The following AP3B1 variants were observed in gnomAD, a reference collection of about 807,000 sequenced individuals.
AP3B1 encodes AP-3 complex subunit beta-1.
AP3B1 carries 61 observed loss-of-function variants against 132.5 expected under a neutral mutation model. The observed-to-expected ratio is 0.46, with a 90% CI of 0.37 to 0.57. AP3B1 has a LOEUF of 0.57. Among genes scored for constraint, AP3B1 ranks in the 20% least tolerant of loss-of-function variants. AP3B1 has a pLI of 0.00. For missense variants in AP3B1, 1,120 were observed against 1,289.4 expected (o/e 0.87, Z 2.01); for synonymous variants, 388 against 438.3 (o/e 0.89, Z 1.43).
intron 22 of AP3B1, among the ~76,000 whole-genome samples, chr5:78,069,478 TAATG>T (rs142713276): frequency 0.047 from 7,204 of 152,102 alleles, 543 homozygotes; most frequent in African/African-American, 0.16. Flanking sequence ...GAGGGCCAAA[TAATG>T]AATGAACTCC....
chr5:78,282,738 ATGG>A (rs1336167020), intron 1 of AP3B1, among the ~76,000 whole-genome samples: 1 of 152,044 alleles, frequency 6.6e-6, no homozygotes, highest in African/African-American at 2.4e-5. Flanking sequence ...CAGGCCAGGC[ATGG>A]TGGCTCATGC....
chr5:78,058,910 G>A (rs972579255), intron 22 of AP3B1, among the ~76,000 whole-genome samples: 4 of 152,210 alleles, frequency 2.6e-5, no homozygotes, highest in African/African-American at 7.2e-5. Context: ...TAGGGTTGGG[G>A]TGAGACATGA....
intron 14 of AP3B1, among the ~76,000 whole-genome samples, chr5:78,142,346 A>T (rs1384789513): frequency 6.6e-6 from 1 of 152,220 alleles, no homozygotes; most frequent in Non-Finnish European, 1.5e-5. Context: ...GTGTAAATTC[A>T]TTTCAGTGAA....
chr5:78,213,612 T>A (rs2112473149), intron 7 of AP3B1, among the ~76,000 whole-genome samples: 1 of 152,278 alleles, frequency 6.6e-6, no homozygotes, highest in African/African-American at 2.4e-5. Context: ...ATGAATAATT[T>A]TTCCTTGAAT....
At chr5:78,181,729 A>G in intron 7 of AP3B1, 67 bp from the exon 8 acceptor site, 3 of 1,444,158 alleles carry the variant, frequency 2.1e-6, no homozygotes, top group Non-Finnish European at 1.9e-6. Context: ...TATATAGTCA[A>G]AGAAAACTTT....
intron 14 of AP3B1, 140 bp from the exon 15 acceptor site, chr5:78,141,459 T>G: frequency 1.5e-6 from 1 of 661,138 alleles, no homozygotes; most frequent in Non-Finnish European, 2.5e-6. Context: ...CCTGTATTTA[T>G]GAATTTTCGT....
At chr5:78,061,742 G>A (rs1452423350) in intron 22 of AP3B1, among the ~76,000 whole-genome samples, 1 of 152,184 alleles carries the variant, frequency 6.6e-6, no homozygotes, top group Admixed American at 6.5e-5. Flanking sequence ...TTTATGAAGA[G>A]CCCCTCTTTC....
chr5:78,076,210 T>A (rs1344787193), intron 22 of AP3B1, among the ~76,000 whole-genome samples: 1 of 152,220 alleles, frequency 6.6e-6, no homozygotes, highest in Non-Finnish European at 1.5e-5. Context: ...ATACTGTAAT[T>A]ACATACTTTG....
intron 21 of AP3B1, among the ~76,000 whole-genome samples, chr5:78,098,358 G>C (rs905991523): frequency 3.3e-5 from 5 of 151,316 alleles, no homozygotes; most frequent in African/African-American, 1.2e-4. Flanking sequence ...TTATAGAATG[G>C]AACTATAACA....
Position 78,129,211 on chromosome 5 carries a change from GAAC to G in AP3B1, c.1744_1746del (p.Val582del), listed in dbSNP as rs1406525097. On this transcript the variant is annotated inframe_deletion, in exon 16 of 27. Transcript: ENST00000255194. ...CTTAAAGCTCCACTCTTTACATTCGGAACAATAAGCTGCCTAATAAATCTTGTA... is the reference window on the plus strand; with the variant it reads ...CTTAAAGCTCCACTCTTTACATTCGGAATAAGCTGCCTAATAAATCTTGTA... 2 of 1,613,006 alleles carry G rather than the reference GAAC, an allele frequency of 1.2e-6. No individual in the cohort carries two copies. The highest frequency in any genetic ancestry group is 1.1e-5 in the South Asian group (1 of 91,050).
chr5:78,129,416 A>T (rs1262987532), intron 15 of AP3B1, 109 bp from the exon 16 acceptor site: 1 of 975,624 alleles, frequency 1.0e-6, no homozygotes, highest in Non-Finnish European at 1.6e-6. Flanking sequence ...ATGTCAAACA[A>T]ATGTTGTTCC....
chr5:78,274,101 A>T (rs1748673033), intron 1 of AP3B1, among the ~76,000 whole-genome samples: 1 of 151,610 alleles, frequency 6.6e-6, no homozygotes, highest in African/African-American at 2.4e-5. Context: ...TCACACAGGG[A>T]TTTTAAAATA....
At chr5:78,063,697 A>C (rs1259542182) in intron 22 of AP3B1, among the ~76,000 whole-genome samples, 1 of 152,234 alleles carries the variant, frequency 6.6e-6, no homozygotes, top group African/African-American at 2.4e-5. Flanking sequence ...AAGCCCTACT[A>C]TGTGCCATTC....
intron 22 of AP3B1, among the ~76,000 whole-genome samples, chr5:78,086,546 T>C (rs1364889764): frequency 1.3e-5 from 2 of 152,154 alleles, no homozygotes; most frequent in African/African-American, 4.8e-5. Context: ...ATCAAGAGCC[T>C]GTGGTTTTCA....
At chr5:78,230,540 T>C (rs1173067783) in intron 3 of AP3B1, among the ~76,000 whole-genome samples, 1 of 152,182 alleles carries the variant, frequency 6.6e-6, no homozygotes, top group Non-Finnish European at 1.5e-5. Flanking sequence ...TAGTACTCAA[T>C]ACAGTTTATA....
chr5:78,197,811 T>C (rs1745134506), intron 7 of AP3B1, among the ~76,000 whole-genome samples: 1 of 152,176 alleles, frequency 6.6e-6, no homozygotes, highest in African/African-American at 2.4e-5. Flanking sequence ...CTGAAAAATA[T>C]CTACTTTTGT....
intron 21 of AP3B1, among the ~76,000 whole-genome samples, chr5:78,095,158 A>G (rs1750719677): frequency 6.6e-6 from 1 of 152,108 alleles, no homozygotes; most frequent in Non-Finnish European, 1.5e-5. Context: ...TTGGGTAGGG[A>G]CAATATTTTA....
intron 14 of AP3B1, among the ~76,000 whole-genome samples, chr5:78,151,404 T>C (rs1324791753): frequency 2.6e-5 from 4 of 152,206 alleles, no homozygotes; most frequent in African/African-American, 7.2e-5. Context: ...CAGTACTGTG[T>C]TGAATAACAG....
chr5:78,109,969 C>A (rs1158678581), intron 20 of AP3B1, among the ~76,000 whole-genome samples: 3 of 139,836 alleles, frequency 2.1e-5, no homozygotes, highest in East Asian at 1.9e-4. Flanking sequence ...TTCAGCAAAA[C>A]CCCCCCCTTG....
Sources: gnomAD v4.1 joint callset for allele counts (sites outside exome capture counted in the v4.1 genomes callset) on GRCh38, gnomAD v4.1.1 for gene constraint, MANE v1.5 for transcripts, NCBI Gene and HGNC (gene_info 2026-07-23, HGNC 2026-07-21) for gene names.